The following HS6ST2 variants were observed in gnomAD, a reference collection of about 807,000 sequenced individuals.
HS6ST2 encodes heparan-sulfate 6-O-sulfotransferase 2.
Under a neutral mutation model 33.0 loss-of-function variants are expected in HS6ST2, and 17 were observed. That is an observed-to-expected ratio of 0.52 (90% CI 0.35 to 0.77). The LOEUF (loss-of-function observed/expected upper bound fraction) is 0.77, where lower values mean the gene tolerates loss of function less well. HS6ST2 is among the 30% of genes least tolerant of loss of function. HS6ST2 has a pLI of 0.01. For missense variants in HS6ST2, 519 were observed against 551.7 expected, an observed-to-expected ratio of 0.94 and a Z score of 0.59; for synonymous variants, 248 against 237.1, an observed-to-expected ratio of 1.05 and a Z score of -0.42.
chrX:132,760,870 CT>C (rs900451271), intron 2 of HS6ST2, among the ~76,000 whole-genome samples: 5 of 110,363 alleles, frequency 4.5e-5, no homozygotes, highest in South Asian at 3.9e-4. Flanking sequence ...AGGCGTTACA[CT>C]TTTTTTTTCT....
At chrX:132,940,592 GAAAT>G (rs1222323527) in intron 2 of HS6ST2, among the ~76,000 whole-genome samples, 2 of 111,488 alleles carry the variant, frequency 1.8e-5, no homozygotes, top group African/African-American at 3.3e-5. Context: ...AAAAGAAAAA[GAAAT>G]AACACAATTA....
At chrX:132,903,189 T>C (rs1249889032) in intron 2 of HS6ST2, among the ~76,000 whole-genome samples, 1 of 111,731 alleles carries the variant, frequency 9.0e-6, no homozygotes. Context: ...CACTGTTCCA[T>C]TTACAATAGC....
At chrX:132,769,635 C>T (rs1206298806) in intron 2 of HS6ST2, among the ~76,000 whole-genome samples, 1 of 112,498 alleles carries the variant, frequency 8.9e-6, no homozygotes, top group Non-Finnish European at 1.9e-5. Flanking sequence ...ACAAATATCA[C>T]CCACTGCTAA....
intron 2 of HS6ST2, among the ~76,000 whole-genome samples, chrX:132,768,409 C>A (rs2064869374): frequency 9.2e-6 from 1 of 108,640 alleles, no homozygotes; most frequent in African/African-American, 3.4e-5. Context: ...CTTTATCAGA[C>A]CCATCATACC....
chrX:132,641,958 G>A (rs1336301720), intron 4 of HS6ST2, among the ~76,000 whole-genome samples: 1 of 112,030 alleles, frequency 8.9e-6, no homozygotes, highest in East Asian at 2.8e-4. Flanking sequence ...AGGGGCCTGG[G>A]GGCAGGGGTA....
Position 132,777,885 on chromosome X carries a change from A to G in HS6ST2, c.948-69391T>C, listed in dbSNP as rs542887358. On this transcript the variant is annotated intron_variant, in intron 2 of 4. Coordinates refer to ENST00000370833, the MANE Select transcript of HS6ST2 (RefSeq NM_001394073.1). The stretch of plus-strand genomic sequence containing the variant: ...AGGGGCTTGTCTGAAGTTGTCGATT[A>G]TGATGGAACTTGAGAGAACAGTTCT... Among the ~76,000 whole-genome samples, 50 of 112,318 alleles carry G rather than the reference A, an allele frequency of 4.5e-4. No homozygotes were observed. In the South Asian group the frequency reaches 0.017, roughly 39 times the overall value.
intron 3 of HS6ST2, among the ~76,000 whole-genome samples, chrX:132,692,089 C>G (rs142529574): frequency 0.01 from 1,130 of 112,110 alleles, 6 homozygotes; most frequent in African/African-American, 0.035. Flanking sequence ...ATTTCAATGG[C>G]TGATTACTTG....
At chrX:132,637,967 T>A (rs1384534526) in intron 4 of HS6ST2, among the ~76,000 whole-genome samples, 30 of 74,213 alleles carry the variant, frequency 4.0e-4, no homozygotes, top group African/African-American at 1.4e-3. Context: ...TATAAAATAT[T>A]TTATATATAT....
intron 2 of HS6ST2, among the ~76,000 whole-genome samples, chrX:132,908,517 A>G (rs1318529158): frequency 8.9e-6 from 1 of 112,820 alleles, no homozygotes; most frequent in Non-Finnish European, 1.9e-5. Flanking sequence ...CAACCAATGA[A>G]TGAATAAATA....
intron 2 of HS6ST2, among the ~76,000 whole-genome samples, chrX:132,711,654 C>G (rs751190415): frequency 9.0e-6 from 1 of 111,533 alleles, no homozygotes; most frequent in Non-Finnish European, 1.9e-5. Context: ...GTTCACAGAG[C>G]CCAGAGCACA....
At chrX:132,653,946 C>A (rs1350135459) in intron 4 of HS6ST2, among the ~76,000 whole-genome samples, 1 of 111,197 alleles carries the variant, frequency 9.0e-6, no homozygotes, top group African/African-American at 3.3e-5. Flanking sequence ...CTCATAGAAG[C>A]AGAAAGGAGA....
intron 2 of HS6ST2, among the ~76,000 whole-genome samples, chrX:132,776,876 C>G (rs767719600): frequency 9.1e-6 from 1 of 110,373 alleles, no homozygotes; most frequent in Admixed American, 9.8e-5. Context: ...TTTTAAAGGT[C>G]CAGTTTAAGT....
At chrX:132,855,573 G>C (rs956469722) in intron 2 of HS6ST2, among the ~76,000 whole-genome samples, 9 of 111,750 alleles carry the variant, frequency 8.1e-5, no homozygotes, top group African/African-American at 2.9e-4. Flanking sequence ...AAAATTCACT[G>C]GGGCTGGAGG....
chrX:132,917,889 A>G (rs915798154), intron 2 of HS6ST2, among the ~76,000 whole-genome samples: 3 of 112,157 alleles, frequency 2.7e-5, no homozygotes, highest in Non-Finnish European at 3.8e-5. Context: ...CTAGAGCCCA[A>G]TTAGCTGCAG....
chrX:132,636,986 C>T (rs920204656), intron 4 of HS6ST2, among the ~76,000 whole-genome samples: 18 of 112,184 alleles, frequency 1.6e-4, no homozygotes, highest in South Asian at 3.7e-4. Context: ...CTCTGGGTCA[C>T]GCCTCAAGTT....
chrX:132,871,767 G>A (rs1471875692), intron 2 of HS6ST2, among the ~76,000 whole-genome samples: 1 of 107,762 alleles, frequency 9.3e-6, no homozygotes, highest in Non-Finnish European at 1.9e-5. Context: ...CATAACTCAC[G>A]GGGGCCTGTT....
intron 2 of HS6ST2, among the ~76,000 whole-genome samples, chrX:132,909,921 A>G (rs1004938867): frequency 1.8e-5 from 2 of 111,233 alleles, no homozygotes; most frequent in Non-Finnish European, 3.8e-5. Context: ...TTCGTGCATC[A>G]TAATTTAACC....
chrX:132,708,569 A>G, intron 2 of HS6ST2, 75 bp from the exon 3 acceptor site: 1 of 932,044 alleles, frequency 1.1e-6, no homozygotes, highest in Non-Finnish European at 1.5e-6. Flanking sequence ...AAAGTTTTCC[A>G]TTGTGCTTTA....
At chrX:132,776,193 T>C (rs1349310889) in intron 2 of HS6ST2, among the ~76,000 whole-genome samples, 1 of 112,053 alleles carries the variant, frequency 8.9e-6, no homozygotes, top group Non-Finnish European at 1.9e-5. Context: ...TGAGAACATT[T>C]TGAAAGAAAT....
Sources: allele counts gnomAD v4.1 joint callset (sites outside exome capture counted in the v4.1 genomes callset), GRCh38; gene constraint gnomAD v4.1.1; transcripts MANE v1.5; gene names NCBI Gene and HGNC (gene_info 2026-07-23, HGNC 2026-07-21).